The following TRIQK variants were observed in gnomAD, a reference collection of about 807,000 sequenced individuals.
TRIQK encodes the protein triple QxxK/R motif-containing protein.
In TRIQK, 10 loss-of-function variants were observed where a neutral mutation model predicts 10.8. The observed-to-expected ratio is 0.92, with a 90% CI of 0.57 to 1.57. The LOEUF is 1.57. Among genes scored for constraint, TRIQK ranks in the 40% most tolerant of loss-of-function variants. The pLI is 0.00. For synonymous variants in TRIQK, 33 were observed against 33.7 expected (o/e 0.98, Z 0.07); for missense variants, 107 against 97.7 (o/e 1.09, Z -0.40).
intron 1 of TRIQK, among the ~76,000 whole-genome samples, chr8:92,986,078 G>A (rs866305225): frequency 1.3e-5 from 2 of 152,090 alleles, no homozygotes; most frequent in Admixed American, 6.5e-5. Flanking sequence ...TCACAGGGAG[G>A]CACCAGTTGA....
rs922167276 is a variant in TRIQK at position 92,885,159 on chromosome 8, G to A, written c.*1463C>T. On this transcript the variant is annotated 3_prime_UTR_variant, in exon 5 of 5. Transcript: ENST00000521988. ...GATTTGTGAGGATATTGGAACCTTTGGCTGTTTTCACACCAATGAAATAAA... is the reference window on the plus strand; with the variant it reads ...GATTTGTGAGGATATTGGAACCTTTAGCTGTTTTCACACCAATGAAATAAA... 1 of 374,338 alleles carries A rather than the reference G, an allele frequency of 2.7e-6. No homozygotes were observed. The highest frequency in any genetic ancestry group is 2.1e-5 in the African/African-American group (1 of 47,260). The allele number at this position is 374,338 out of a possible 1,614,324, so 23.2% of individuals were successfully genotyped here.
intron 1 of TRIQK, among the ~76,000 whole-genome samples, chr8:93,011,601 T>G (rs1030476298): frequency 6.6e-6 from 1 of 151,900 alleles, no homozygotes; most frequent in Non-Finnish European, 1.5e-5. Context: ...GTAGAAGAAA[T>G]GGGAAGACTG....
chr8:93,007,015 A>G (rs1472937150), intron 1 of TRIQK, among the ~76,000 whole-genome samples: 1 of 152,196 alleles, frequency 6.6e-6, no homozygotes, highest in Non-Finnish European at 1.5e-5. Context: ...AGAGTGCTTC[A>G]TTAAGTGGGT....
chr8:92,885,097 A>G lies in TRIQK; in HGVS notation c.*1525T>C. The G allele has an allele frequency of 6.9e-6, 3 of 434,340 alleles. No homozygotes were observed. The highest frequency in any genetic ancestry group is 1.6e-5 in the South Asian group (1 of 62,968). 26.9% of individuals were successfully genotyped at this position (434,340 alleles called of 1,614,324 possible). On this transcript the variant is annotated 3_prime_UTR_variant, in exon 5 of 5. Coordinates refer to ENST00000521988, the MANE Select transcript of TRIQK (RefSeq NM_001171797.2). ...CAAAGGGAAGAATCTAGTAAATAAC[A>G]CCGGCTAAATTTTGCCCTCAGATGT...
intron 2 of TRIQK, among the ~76,000 whole-genome samples, chr8:92,944,788 T>C (rs771761883): frequency 9.9e-5 from 15 of 152,130 alleles, no homozygotes; most frequent in Admixed American, 2.0e-4. Context: ...TGGTGTTCTA[T>C]TGTAGATTAG....
At chr8:92,914,650 C>A (rs1021096441) in intron 3 of TRIQK, among the ~76,000 whole-genome samples, 8 of 152,064 alleles carry the variant, frequency 5.3e-5, no homozygotes, top group Admixed American at 4.6e-4. Flanking sequence ...AAGTCCTCAA[C>A]CTCCCTAATT....
At chr8:93,006,160 G>A (rs1227926067) in intron 1 of TRIQK, among the ~76,000 whole-genome samples, 2 of 152,176 alleles carry the variant, frequency 1.3e-5, no homozygotes, top group African/African-American at 4.8e-5. Flanking sequence ...GACCACCTGT[G>A]GGGAGGGGCC....
chr8:92,989,673 A>T (rs1813076347), intron 1 of TRIQK, among the ~76,000 whole-genome samples: 1 of 152,204 alleles, frequency 6.6e-6, no homozygotes, highest in Admixed American at 6.5e-5. Context: ...ATTTCATTAT[A>T]TATTACAGTG....
At chr8:93,008,085 C>A (rs1813292369) in intron 1 of TRIQK, among the ~76,000 whole-genome samples, 1 of 152,082 alleles carries the variant, frequency 6.6e-6, no homozygotes, top group African/African-American at 2.4e-5. Flanking sequence ...GGGAGCTGAA[C>A]AATGAGAACA....
rs1343441581 is a variant in TRIQK at position 92,885,074 on chromosome 8, A to G, written c.*1548T>C. 2 of 448,398 alleles carry G rather than the reference A, an allele frequency of 4.5e-6. No individual in the cohort carries two copies. The highest frequency in any genetic ancestry group is 4.7e-5 in the Admixed American group (2 of 42,316). The allele number at this position is 448,398 out of a possible 1,614,324, so 27.8% of individuals were successfully genotyped here. A position where few individuals can be genotyped will look rare whatever the true frequency, so the allele number is the denominator to read the frequency against. The stretch of plus-strand genomic sequence containing the variant: ...TCTGTCTCTTGAGTCTGTGAGTTCA[A>G]AGGGAAGAATCTAGTAAATAACACC... On this transcript the variant is annotated 3_prime_UTR_variant, in exon 5 of 5. Transcript: ENST00000521988.
chr8:92,895,163 G>A (rs28819704), intron 3 of TRIQK, among the ~76,000 whole-genome samples: 1 of 152,014 alleles, frequency 6.6e-6, no homozygotes, highest in Non-Finnish European at 1.5e-5. Context: ...CATGCTCTTT[G>A]GCCCTTCTGC....
At chr8:92,925,146 A>C (rs1810382244) in intron 2 of TRIQK, among the ~76,000 whole-genome samples, 2 of 152,178 alleles carry the variant, frequency 1.3e-5, no homozygotes, top group Non-Finnish European at 2.9e-5. Context: ...GAACTAAAAT[A>C]CAGTATTAGG....
chr8:92,949,907 A>G (rs934151814), intron 2 of TRIQK, among the ~76,000 whole-genome samples: 2 of 152,078 alleles, frequency 1.3e-5, no homozygotes, highest in African/African-American at 4.8e-5. Context: ...GAAAGAAAAA[A>G]GAAAAAAATA....
intron 3 of TRIQK, among the ~76,000 whole-genome samples, chr8:92,895,828 T>C (rs138440087): frequency 1.3e-4 from 20 of 151,862 alleles, no homozygotes; most frequent in African/African-American, 4.1e-4. Flanking sequence ...TAGTGAGATG[T>C]GCAAAAAAAG....
intron 2 of TRIQK, among the ~76,000 whole-genome samples, chr8:92,939,987 C>T (rs948921208): frequency 4.6e-5 from 7 of 152,162 alleles, no homozygotes; most frequent in African/African-American, 1.4e-4. Flanking sequence ...CTGGGCTGAC[C>T]AGAAGCCACT....
intron 1 of TRIQK, among the ~76,000 whole-genome samples, chr8:93,010,099 A>T (rs1393278623): frequency 6.6e-6 from 1 of 152,168 alleles, no homozygotes; most frequent in African/African-American, 2.4e-5. Context: ...AGTGGTTATC[A>T]GAGACTGGGG....
upstream of TRIQK, among the ~76,000 whole-genome samples, chr8:92,969,545 C>G (rs1425348652): frequency 2.0e-5 from 3 of 148,728 alleles, no homozygotes; most frequent in African/African-American, 7.4e-5. Flanking sequence ...TAGTCTATAT[C>G]TTATGACAGT....
intron 2 of TRIQK, among the ~76,000 whole-genome samples, chr8:92,918,854 T>C (rs1036262914): frequency 6.6e-6 from 1 of 151,786 alleles, no homozygotes; most frequent in Non-Finnish European, 1.5e-5. Flanking sequence ...CATAGTTTTA[T>C]GTCTTACATT....
intron 2 of TRIQK, among the ~76,000 whole-genome samples, chr8:92,938,028 G>A (rs894271705): frequency 6.6e-6 from 1 of 151,742 alleles, no homozygotes; most frequent in Non-Finnish European, 1.5e-5. Context: ...AACATTACTT[G>A]CAGTGCAAGT....
Sources: gnomAD v4.1 joint callset for allele counts (sites outside exome capture counted in the v4.1 genomes callset) on GRCh38, gnomAD v4.1.1 for gene constraint, MANE v1.5 for transcripts, NCBI Gene and HGNC (gene_info 2026-07-23, HGNC 2026-07-21) for gene names.